The following FOXN3 variants were observed in gnomAD, a reference collection of about 807,000 sequenced individuals.
FOXN3 encodes forkhead box protein N3.
A neutral mutation model predicts 38.4 loss-of-function variants in FOXN3; 7 were observed. That is an observed-to-expected ratio of 0.18 (90% CI 0.10 to 0.34). The LOEUF (loss-of-function observed/expected upper bound fraction) is 0.34, where lower values mean the gene tolerates loss of function less well. FOXN3 is among the 10% of genes least tolerant of loss of function. FOXN3 has a pLI of 1.00. For missense variants in FOXN3, 456 were observed against 613.4 expected, an observed-to-expected ratio of 0.74 and a Z score of 2.71; for synonymous variants, 230 against 242.2, an observed-to-expected ratio of 0.95 and a Z score of 0.47.
At chr14:89,493,091 C>T (rs921469677) in intron 1 of FOXN3, among the ~76,000 whole-genome samples, 14 of 152,206 alleles carry the variant, frequency 9.2e-5, no homozygotes, top group Non-Finnish European at 1.6e-4. Context: ...CTGTCTGCAT[C>T]GCTTTTTCTA....
At chr14:89,214,212 G>A (rs1433790727) in intron 4 of FOXN3, among the ~76,000 whole-genome samples, 1 of 152,174 alleles carries the variant, frequency 6.6e-6, no homozygotes, top group Non-Finnish European at 1.5e-5. Flanking sequence ...GAAGGGGGTT[G>A]GACTAAACCT....
rs375930594 is a variant in FOXN3 at position 89,423,921 on chromosome 14, C to T, written c.-14-11431G>A. On this transcript the variant is annotated intron_variant, in intron 1 of 6. Coordinates refer to the FOXN3 transcript ENST00000345097. ...TAAGAGAGTTAACTTCCCCACCAGA[C>T]TGACTACTGGGAAGAGGCAATAAAC... Among the ~76,000 whole-genome samples, 389 of 152,326 alleles carry T rather than the reference C, an allele frequency of 2.6e-3. 4 individuals are homozygous for T. Among genetic ancestry groups the T allele is most frequent in the South Asian group, 0.022 (105 of 4,830 alleles).
At chr14:89,570,690 T>G (rs565674337) in intron 1 of FOXN3, among the ~76,000 whole-genome samples, 5 of 149,542 alleles carry the variant, frequency 3.3e-5, no homozygotes, top group African/African-American at 4.9e-5. Flanking sequence ...CAATTTTGGT[T>G]TTTTTTTTTT....
At chr14:89,350,016 T>G (rs1462234240) in intron 3 of FOXN3, among the ~76,000 whole-genome samples, 2 of 152,210 alleles carry the variant, frequency 1.3e-5, no homozygotes, top group East Asian at 3.8e-4. Flanking sequence ...TCTGATTATT[T>G]GGCTCTCTTT....
chr14:89,214,197 T>C (rs972584095), intron 4 of FOXN3, among the ~76,000 whole-genome samples: 24 of 152,198 alleles, frequency 1.6e-4, no homozygotes, highest in African/African-American at 5.5e-4. Context: ...TCCTTATCTG[T>C]AAAAGAAGGG....
At chr14:89,504,188 C>T (rs185707828) in intron 1 of FOXN3, among the ~76,000 whole-genome samples, 3 of 152,350 alleles carry the variant, frequency 2.0e-5, no homozygotes, top group Admixed American at 2.0e-4. Flanking sequence ...ATGTGCATTG[C>T]TAATCCACTC....
intron 1 of FOXN3, among the ~76,000 whole-genome samples, chr14:89,491,037 C>T (rs1306503150): frequency 2.6e-5 from 4 of 152,152 alleles, no homozygotes; most frequent in African/African-American, 7.2e-5. Context: ...TGCAATGGCA[C>T]GATCTCGGCT....
chr14:89,481,210 T>C (rs1166648263), intron 1 of FOXN3, among the ~76,000 whole-genome samples: 2 of 152,130 alleles, frequency 1.3e-5, no homozygotes, highest in Non-Finnish European at 2.9e-5. Flanking sequence ...AAGTCTTCAC[T>C]GGCTGGAGTT....
chr14:89,315,361 T>A (rs951034841), intron 3 of FOXN3, among the ~76,000 whole-genome samples: 1 of 152,112 alleles, frequency 6.6e-6, no homozygotes, highest in Non-Finnish European at 1.5e-5. Flanking sequence ...TGAAAGGATA[T>A]ACAGTGAAAA....
In FOXN3 at chr14:89,563,594, C is replaced by T. The variant is rs540692406; in HGVS notation, c.-15+55434G>A. Among the ~76,000 whole-genome samples the T allele has an allele frequency of 3.3e-5, 5 of 152,128 alleles. 1 individual carries two copies. Among genetic ancestry groups the T allele is most frequent in the South Asian group, 4.2e-4 (2 of 4,816 alleles). The stretch of plus-strand genomic sequence containing the variant: ...CATCCACAAAGAAGGGTGATGCATG[C>T]GAGCCTTGGGGGAGTAGGGGTGTTT... On this transcript the variant is annotated intron_variant, in intron 1 of 6. Transcript: ENST00000345097.
At chr14:89,576,180 T>C (rs916499498) in intron 1 of FOXN3, 5 of 152,248 alleles carry the variant, frequency 3.3e-5, no homozygotes, top group Admixed American at 1.3e-4. Context: ...TAGCACATTG[T>C]AGAACAATAT....
intron 3 of FOXN3, among the ~76,000 whole-genome samples, chr14:89,336,742 T>C (rs531813551): frequency 6.6e-6 from 1 of 152,362 alleles, no homozygotes; most frequent in East Asian, 1.9e-4. Context: ...AAAATAAATT[T>C]AAAATTCTTT....
At chr14:89,175,456 A>G (rs1887496657) in intron 5 of FOXN3, among the ~76,000 whole-genome samples, 1 of 152,214 alleles carries the variant, frequency 6.6e-6, no homozygotes, top group South Asian at 2.1e-4. Context: ...GTGCTCAGGA[A>G]GGAAACCTGG....
At chr14:89,343,082 C>G (rs1267397833) in intron 3 of FOXN3, among the ~76,000 whole-genome samples, 2 of 152,164 alleles carry the variant, frequency 1.3e-5, no homozygotes, top group Non-Finnish European at 2.9e-5. Context: ...TGCAGTGCTT[C>G]TGCCAACTAT....
chr14:89,164,066 G>A lies in FOXN3; in HGVS notation c.852-1097C>T, dbSNP rs1056684294. ...CTACACCTGCTCCCCGTGGGTGTGGGGCTGAGGACACGAATTAATGCCTGC... is the reference window on the plus strand; with the variant it reads ...CTACACCTGCTCCCCGTGGGTGTGGAGCTGAGGACACGAATTAATGCCTGC... On this transcript the variant is annotated intron_variant, in intron 5 of 5. Coordinates refer to ENST00000557258, the MANE Select transcript of FOXN3 (RefSeq NM_005197.4). The surrounding 1 kb of genome is among the most constrained non-coding windows in gnomAD (Gnocchi z 4.3). Among the ~76,000 whole-genome samples, 8 of 152,224 alleles carry A rather than the reference G, an allele frequency of 5.3e-5. No homozygotes were observed. The highest frequency in any genetic ancestry group is 1.4e-4 in the African/African-American group (6 of 41,454).
intron 1 of FOXN3, among the ~76,000 whole-genome samples, chr14:89,586,610 T>C (rs1895848123): frequency 6.6e-6 from 1 of 152,246 alleles, no homozygotes; most frequent in South Asian, 2.1e-4. Context: ...ATGCTGTTTT[T>C]TTGTTTGCTT....
intron 2 of FOXN3, among the ~76,000 whole-genome samples, chr14:89,393,393 TA>T (rs1163365612): frequency 6.6e-6 from 1 of 152,200 alleles, no homozygotes; most frequent in Non-Finnish European, 1.5e-5. Context: ...TTCTGAGGGA[TA>T]CAACTCACCC....
intron 1 of FOXN3, among the ~76,000 whole-genome samples, chr14:89,452,095 A>G (rs563768776): frequency 6.6e-6 from 1 of 152,102 alleles, no homozygotes; most frequent in Non-Finnish European, 1.5e-5. Flanking sequence ...CGTTCATACT[A>G]GTGTGTCAAT....
rs1596105305 is a variant in FOXN3, at chr14:89,210,394, A to G, written c.746-29588T>C. Among the ~76,000 whole-genome samples, 6 of 152,120 alleles carry G rather than the reference A, an allele frequency of 3.9e-5. 1 individual carries two copies. The highest frequency in any genetic ancestry group is 1.4e-4 in the African/African-American group (6 of 41,464). ...CCCCAGAAGCTGAGCACGTGCCTCC[A>G]TGCTTCCTGTACAGCCTGCAGAACC... On this transcript the variant is annotated intron_variant, in intron 4 of 5. Coordinates refer to ENST00000557258, the MANE Select transcript of FOXN3 (RefSeq NM_005197.4).
Sources: allele counts gnomAD v4.1 joint callset (sites outside exome capture counted in the v4.1 genomes callset), GRCh38; gene constraint gnomAD v4.1.1; non-coding constraint Gnocchi (gnomAD v3.1); transcripts MANE v1.5; gene names NCBI Gene and HGNC (gene_info 2026-07-23, HGNC 2026-07-21).